Variants in CSMD1 observed in about 807,000 individuals in gnomAD.
CSMD1 encodes CUB and Sushi multiple domains 1.
In CSMD1, 213 loss-of-function variants were observed where a neutral mutation model predicts 417.5. The observed-to-expected ratio is 0.51, with a 90% CI of 0.46 to 0.57. CSMD1 has a LOEUF of 0.57. Ranked by LOEUF, CSMD1 falls within the 20% of genes least tolerant of loss-of-function variation. The probability of loss-of-function intolerance (pLI) is 0.00; values close to 1 mark genes in which losing one functional copy is unlikely to be tolerated. For synonymous variants in CSMD1, 2,862 were observed against 1,736.8 expected, an observed-to-expected ratio of 1.65 and a Z score of -16.11; for missense variants, 6,923 against 4,529.7, an observed-to-expected ratio of 1.53 and a Z score of -15.17.
Position 4,764,208 on chromosome 8 carries a change from G to C in CSMD1, c.86-126650C>G, listed in dbSNP as rs148765627. On this transcript the variant is annotated intron_variant, in intron 1 of 69. Coordinates refer to ENST00000635120, the MANE Select transcript of CSMD1 (RefSeq NM_033225.6). ...TGAGAGTGACCATGTGTTTTTCAGA[G>C]GTAGATAATAAAAGTTAGACAGTCG... Among the ~76,000 whole-genome samples the C allele has an allele frequency of 1.3e-3, 192 of 152,282 alleles. 2 individuals carry two copies. Among genetic ancestry groups the C allele is most frequent in the African/African-American group, 4.4e-3 (182 of 41,562 alleles).
chr8:3,334,682 T>C (rs1262143794), intron 23 of CSMD1, among the ~76,000 whole-genome samples: 1 of 152,230 alleles, frequency 6.6e-6, no homozygotes, highest in Non-Finnish European at 1.5e-5. Flanking sequence ...AACATAAATA[T>C]GGAGCTGCAG....
At chr8:3,005,921 G>C (rs1348793918) in intron 52 of CSMD1, among the ~76,000 whole-genome samples, 1 of 152,010 alleles carries the variant, frequency 6.6e-6, no homozygotes, top group Non-Finnish European at 1.5e-5. Context: ...GTTCTGGCCA[G>C]GGCAATTAGG....
At chr8:4,406,558 C>T (rs933497085) in intron 3 of CSMD1, among the ~76,000 whole-genome samples, 1 of 152,052 alleles carries the variant, frequency 6.6e-6, no homozygotes, top group South Asian at 2.1e-4. Context: ...AGAGTCCTGC[C>T]TTCTGTAGGC....
intron 3 of CSMD1, among the ~76,000 whole-genome samples, chr8:4,314,653 T>C (rs1397723727): frequency 1.3e-5 from 2 of 152,128 alleles, no homozygotes; most frequent in Non-Finnish European, 2.9e-5. Context: ...ACTATTACAT[T>C]ACCATTTGTG....
At chr8:4,440,563 A>T (rs755362230) in intron 2 of CSMD1, among the ~76,000 whole-genome samples, 15 of 152,354 alleles carry the variant, frequency 9.8e-5, no homozygotes, top group East Asian at 3.9e-4. Flanking sequence ...ATCTATATGT[A>T]ATTTTCAAAG....
intron 7 of CSMD1, among the ~76,000 whole-genome samples, chr8:3,636,395 C>G (rs1190834993): frequency 1.3e-5 from 2 of 152,146 alleles, no homozygotes; most frequent in African/African-American, 2.4e-5. Flanking sequence ...CTAGGCTGGT[C>G]TCAGACTCCT....
At chr8:3,259,425 A>AAT (rs1800890861) in intron 26 of CSMD1, among the ~76,000 whole-genome samples, 2 of 130,734 alleles carry the variant, frequency 1.5e-5, no homozygotes, top group Non-Finnish European at 1.8e-5. Flanking sequence ...TGAATGAATG[A>AAT]GTGAATGAAT....
intron 1 of CSMD1, among the ~76,000 whole-genome samples, chr8:4,797,733 C>T (rs1427307295): frequency 6.6e-6 from 1 of 152,146 alleles, no homozygotes; most frequent in Non-Finnish European, 1.5e-5. Flanking sequence ...GGGATAGGTA[C>T]ATACAAATGT....
At position 4,474,047 on chromosome 8, in the gene CSMD1, A is replaced by G. The variant is rs145667633; in HGVS notation, c.303-53982T>C. ...AATAAGAGATACTATCAAAGAAATA[A>G]AAGCAAATATATGCAAACGTATAAT... On this transcript the variant is annotated intron_variant, in intron 2 of 69. Coordinates refer to ENST00000635120, the MANE Select transcript of CSMD1 (RefSeq NM_033225.6). Among the ~76,000 whole-genome samples the G allele has an allele frequency of 7.6e-3, 1,165 of 152,306 alleles. 17 individuals are homozygous for G. The highest frequency in any genetic ancestry group is 0.026 in the African/African-American group (1,076 of 41,560).
At chr8:4,724,520 ATGTGTGTGTGTGTG>A (rs66498850) in intron 1 of CSMD1, among the ~76,000 whole-genome samples, 35 of 145,308 alleles carry the variant, frequency 2.4e-4, no homozygotes, top group African/African-American at 7.7e-4. Context: ...TTATATATAT[ATGTGTGTGTGTGTG>A]TGTGTGTGTG....
chr8:3,449,680 G>T (rs973750635), intron 12 of CSMD1, among the ~76,000 whole-genome samples: 11 of 151,990 alleles, frequency 7.2e-5, no homozygotes, highest in Admixed American at 7.2e-4. Context: ...ACCATGCCTG[G>T]CTAATTTTTG....
At chr8:4,673,511 G>A (rs367786699) in intron 1 of CSMD1, among the ~76,000 whole-genome samples, 1 of 152,122 alleles carries the variant, frequency 6.6e-6, no homozygotes, top group African/African-American at 2.4e-5. Flanking sequence ...TTTGTTGGAA[G>A]AGTTTCCTAC....
chr8:3,810,315 A>C (rs1281087646), intron 5 of CSMD1, among the ~76,000 whole-genome samples: 3 of 152,192 alleles, frequency 2.0e-5, no homozygotes, highest in Non-Finnish European at 2.9e-5. Context: ...AAACCCAAAC[A>C]ACCAGAGCCA....
chr8:4,778,673 C>G (rs1305904231), intron 1 of CSMD1, among the ~76,000 whole-genome samples: 1 of 152,162 alleles, frequency 6.6e-6, no homozygotes, highest in Non-Finnish European at 1.5e-5. Flanking sequence ...GTCAAATACA[C>G]CTGAGTAGCA....
intron 1 of CSMD1, among the ~76,000 whole-genome samples, chr8:4,969,644 C>G (rs1172891062): frequency 6.6e-6 from 1 of 151,938 alleles, no homozygotes; most frequent in Non-Finnish European, 1.5e-5. Flanking sequence ...ACATGTTGTT[C>G]ATTTTGAGCC....
intron 2 of CSMD1, among the ~76,000 whole-genome samples, chr8:4,504,434 G>C (rs1339355634): frequency 6.6e-6 from 1 of 152,154 alleles, no homozygotes; most frequent in Non-Finnish European, 1.5e-5. Context: ...ATAGTGGGTT[G>C]TACACTTACA....
At chr8:4,204,133 T>A (rs907563779) in intron 3 of CSMD1, among the ~76,000 whole-genome samples, 1 of 152,022 alleles carries the variant, frequency 6.6e-6, no homozygotes, top group Admixed American at 6.6e-5. Context: ...ACTTAAAGGA[T>A]CTGTCAGTTT....
At chr8:4,155,090 C>A (rs576222190) in intron 3 of CSMD1, among the ~76,000 whole-genome samples, 1 of 152,204 alleles carries the variant, frequency 6.6e-6, no homozygotes, top group Non-Finnish European at 1.5e-5. Context: ...TGAACTCATG[C>A]AATGCCTACA....
chr8:4,091,143 T>A (rs773735092), intron 3 of CSMD1, among the ~76,000 whole-genome samples: 22 of 152,094 alleles, frequency 1.4e-4, no homozygotes, highest in Non-Finnish European at 1.5e-4. Context: ...GGTCTCGAAT[T>A]CCTGACCTCA....
Sources: gnomAD v4.1 joint callset for allele counts (sites outside exome capture counted in the v4.1 genomes callset) on GRCh38, gnomAD v4.1.1 for gene constraint, MANE v1.5 for transcripts, NCBI Gene and HGNC (gene_info 2026-07-23, HGNC 2026-07-21) for gene names.